The following ENOX1 variants were observed in gnomAD, a reference collection of about 807,000 sequenced individuals.
ENOX1 encodes the protein ecto-NOX disulfide-thiol exchanger 1.
In ENOX1, 42 loss-of-function variants were observed where a neutral mutation model predicts 82.5. The observed-to-expected ratio is 0.51, with a 90% CI of 0.40 to 0.66. ENOX1 has a LOEUF of 0.66. Among genes scored for constraint, ENOX1 ranks in the 30% least tolerant of loss-of-function variants. The pLI is 0.00. For synonymous variants in ENOX1, 271 were observed against 282.2 expected (o/e 0.96, Z 0.40); for missense variants, 608 against 811.6 (o/e 0.75, Z 3.05).
At position 43,690,112 on chromosome 13, in the gene ENOX1, A is replaced by T. The variant is rs191811835; in HGVS notation, c.-284-22568T>A. On this transcript the variant is annotated intron_variant, in intron 1 of 16. Coordinates refer to ENST00000690772, the MANE Select transcript of ENOX1 (RefSeq NM_001347969.2). ...CTGAAATCTTGCTGGCATGTTACCA[A>T]CTAACAGAGTGGTATCCATCAATCT... 9.9e-5 allele frequency among the ~76,000 whole-genome samples: 15 copies of T among 152,228 alleles called. No homozygotes were observed. The East Asian group carries it at 2.9e-3, about 29-fold the overall frequency.
intron 1 of ENOX1, among the ~76,000 whole-genome samples, chr13:43,694,183 G>C (rs2153805525): frequency 1.3e-5 from 2 of 150,196 alleles, no homozygotes; most frequent in Admixed American, 1.3e-4. Flanking sequence ...CATTTTAAAA[G>C]TCAGAGTTTC....
intron 1 of ENOX1, among the ~76,000 whole-genome samples, chr13:43,719,671 C>G (rs934282717): frequency 6.6e-6 from 1 of 151,992 alleles, no homozygotes; most frequent in African/African-American, 2.4e-5. Context: ...CGTAGCGCAC[C>G]AAGTGTGGAC....
chr13:43,589,383 C>G (rs2081140900), intron 2 of ENOX1, among the ~76,000 whole-genome samples: 1 of 152,050 alleles, frequency 6.6e-6, no homozygotes, highest in African/African-American at 2.4e-5. Flanking sequence ...CTACCTGTCC[C>G]TGCCTACTCT....
At chr13:43,432,466 C>T (rs2153614472) in intron 3 of ENOX1, among the ~76,000 whole-genome samples, 1 of 152,046 alleles carries the variant, frequency 6.6e-6, no homozygotes, top group South Asian at 2.1e-4. Flanking sequence ...TGGTGAAACC[C>T]CATCTCTACT....
intron 2 of ENOX1, among the ~76,000 whole-genome samples, chr13:43,661,907 C>T (rs1160266800): frequency 6.6e-6 from 1 of 152,176 alleles, no homozygotes; most frequent in Non-Finnish European, 1.5e-5. Context: ...CATCATTTGT[C>T]TCATTATCTT....
chr13:43,603,278 T>C (rs1462179831), intron 2 of ENOX1, among the ~76,000 whole-genome samples: 1 of 152,042 alleles, frequency 6.6e-6, no homozygotes, highest in African/African-American at 2.4e-5. Context: ...TGTCATGCTT[T>C]TTATTTTGCA....
chr13:43,726,646 T>C (rs1165933788), intron 1 of ENOX1, among the ~76,000 whole-genome samples: 2 of 152,012 alleles, frequency 1.3e-5, no homozygotes, highest in Admixed American at 6.6e-5. Flanking sequence ...TTGGCCTCGA[T>C]GGGCAACGTA....
rs1352778657 is a variant in ENOX1, at chr13:43,213,297, T to C, written c.*693A>G. Reference sequence around the variant, plus strand: ...TATTTACACTTTATGAAAACTGTTATGCAGTCCATGTTAAAAGAACTTATG... The same window carrying C: ...TATTTACACTTTATGAAAACTGTTACGCAGTCCATGTTAAAAGAACTTATG... On this transcript the variant is annotated 3_prime_UTR_variant, in exon 17 of 17. Coordinates refer to ENST00000690772, the MANE Select transcript of ENOX1 (RefSeq NM_001347969.2). Among the ~76,000 whole-genome samples, 2 of 152,170 alleles carry C rather than the reference T, an allele frequency of 1.3e-5. No homozygotes were observed.
chr13:43,336,893 C>T (rs962228589), intron 9 of ENOX1, among the ~76,000 whole-genome samples: 2 of 152,194 alleles, frequency 1.3e-5, no homozygotes, highest in Non-Finnish European at 2.9e-5. Flanking sequence ...ATCTCTCTGC[C>T]TTGTCAAAAG....
intron 1 of ENOX1, among the ~76,000 whole-genome samples, chr13:43,754,077 T>G (rs1950485908): frequency 7.1e-6 from 1 of 140,672 alleles, no homozygotes; most frequent in African/African-American, 2.6e-5. Context: ...CGTATATAAA[T>G]ACACATATAT....
At chr13:43,317,969 C>T (rs2047606986) in intron 11 of ENOX1, among the ~76,000 whole-genome samples, 1 of 151,482 alleles carries the variant, frequency 6.6e-6, no homozygotes. Context: ...CATGCCACTG[C>T]ACTCCAGCCT....
intron 1 of ENOX1, among the ~76,000 whole-genome samples, chr13:43,714,585 A>G (rs145183961): frequency 0.094 from 14,243 of 152,198 alleles, 1,087 homozygotes; most frequent in East Asian, 0.27. Flanking sequence ...TTGCTTCATG[A>G]ATCTGGGTGC....
At chr13:43,322,105 C>T (rs2047842958) in intron 11 of ENOX1, among the ~76,000 whole-genome samples, 2 of 152,128 alleles carry the variant, frequency 1.3e-5, no homozygotes, top group African/African-American at 4.8e-5. Context: ...CTGTGGCTGC[C>T]GTACTCTGGA....
chr13:43,645,471 AAT>A (rs67037103), intron 2 of ENOX1, among the ~76,000 whole-genome samples: 22,728 of 152,198 alleles, frequency 0.15, 2,064 homozygotes, highest in East Asian at 0.39. Context: ...AGAAGTCTTT[AAT>A]AAGATTCAAT....
chr13:43,636,170 G>A (rs1262764721), intron 2 of ENOX1, among the ~76,000 whole-genome samples: 4 of 152,184 alleles, frequency 2.6e-5, no homozygotes, highest in African/African-American at 9.7e-5. Flanking sequence ...CAGAGCTGAT[G>A]ATGGGTCAAG....
At chr13:43,332,683 G>T (rs2048475494) in intron 9 of ENOX1, among the ~76,000 whole-genome samples, 1 of 152,136 alleles carries the variant, frequency 6.6e-6, no homozygotes, top group Non-Finnish European at 1.5e-5. Flanking sequence ...GAATTGTAGA[G>T]CCCTTTATTA....
chr13:43,615,665 C>T (rs2082376024), intron 2 of ENOX1, among the ~76,000 whole-genome samples: 1 of 152,022 alleles, frequency 6.6e-6, no homozygotes, highest in South Asian at 2.1e-4. Context: ...CATAGGTATA[C>T]ACGTGCTATG....
intron 12 of ENOX1, among the ~76,000 whole-genome samples, chr13:43,270,943 T>A (rs1393159509): frequency 6.6e-6 from 1 of 152,222 alleles, no homozygotes; most frequent in African/African-American, 2.4e-5. Context: ...GAGCCCATTT[T>A]GCACTTTGGC....
chr13:43,452,401 T>C (rs1402126485), intron 3 of ENOX1, among the ~76,000 whole-genome samples: 1 of 152,242 alleles, frequency 6.6e-6, no homozygotes, highest in Non-Finnish European at 1.5e-5. Flanking sequence ...GTTAGTTCAC[T>C]GAGAATGATA....
Sources: allele counts gnomAD v4.1 joint callset (sites outside exome capture counted in the v4.1 genomes callset), GRCh38; gene constraint gnomAD v4.1.1; transcripts MANE v1.5; gene names NCBI Gene and HGNC (gene_info 2026-07-23, HGNC 2026-07-21).